Variants in RAB2A observed in about 807,000 individuals in gnomAD.
The protein encoded by RAB2A is ras-related protein Rab-2A.
Under a neutral mutation model 32.5 loss-of-function variants are expected in RAB2A, and 7 were observed. The ratio of observed to expected loss-of-function variants is 0.22; its 90% CI spans 0.12 to 0.40. The LOEUF (loss-of-function observed/expected upper bound fraction) is 0.40. RAB2A is among the 10% of genes least tolerant of loss of function. The probability of loss-of-function intolerance (pLI) is 1.00; values close to 1 mark genes in which losing one functional copy is unlikely to be tolerated. For missense variants in RAB2A, 108 were observed against 260.7 expected (o/e 0.41, Z 4.03); for synonymous variants, 79 against 85.2 (o/e 0.93, Z 0.40).
At chr8:60,585,685 T>A (rs1346577234) in intron 5 of RAB2A, among the ~76,000 whole-genome samples, 1 of 152,142 alleles carries the variant, frequency 6.6e-6, no homozygotes, top group Non-Finnish European at 1.5e-5. Context: ...AAATCATGAC[T>A]TATATGATAA....
At chr8:60,555,961 T>A (rs1807931583) in intron 1 of RAB2A, among the ~76,000 whole-genome samples, 1 of 152,210 alleles carries the variant, frequency 6.6e-6, no homozygotes, top group Admixed American at 6.5e-5. Context: ...TCAACCTAAG[T>A]GTCCAGCAGT....
At chr8:60,615,251 G>T (rs563748788) in intron 6 of RAB2A, among the ~76,000 whole-genome samples, 1 of 152,026 alleles carries the variant, frequency 6.6e-6, no homozygotes, top group South Asian at 2.1e-4. Context: ...TAACAAAGGC[G>T]GTTTAAGTAC....
chr8:60,556,641 TAAAAAAAA>T (rs11393857), intron 1 of RAB2A, among the ~76,000 whole-genome samples: 1 of 106,592 alleles, frequency 9.4e-6, no homozygotes, highest in Admixed American at 1.0e-4. Flanking sequence ...CTCTTTTTAA[TAAAAAAAA>T]AAAAAAAAAA....
intron 2 of RAB2A, among the ~76,000 whole-genome samples, chr8:60,564,580 T>G (rs1267858666): frequency 6.6e-6 from 1 of 152,106 alleles, no homozygotes; most frequent in African/African-American, 2.4e-5. Context: ...AACATCTCCT[T>G]CTCTTAGATG....
chr8:60,575,106 TTTTTGGTTTTGAGACA>T (rs1355744898), intron 3 of RAB2A, among the ~76,000 whole-genome samples: 2 of 149,278 alleles, frequency 1.3e-5, no homozygotes, highest in African/African-American at 2.5e-5. Flanking sequence ...TTTTTTTTTT[TTTTTGGTTTTGAGACA>T]GCGTCTTACT....
At chr8:60,555,626 C>G (rs1365748344) in intron 1 of RAB2A, among the ~76,000 whole-genome samples, 7 of 152,256 alleles carry the variant, frequency 4.6e-5, no homozygotes, top group African/African-American at 1.7e-4. Context: ...CAGTAATCAT[C>G]AGGGAAATGC....
chr8:60,538,815 A>G (rs1415283187), intron 1 of RAB2A, among the ~76,000 whole-genome samples: 1 of 152,214 alleles, frequency 6.6e-6, no homozygotes, highest in Admixed American at 6.5e-5. Context: ...TCTCACTTGA[A>G]GGACAGTGAA....
At chr8:60,536,307 A>G (rs1563461425) in intron 1 of RAB2A, among the ~76,000 whole-genome samples, 2 of 151,982 alleles carry the variant, frequency 1.3e-5, no homozygotes. Context: ...TGTTAATTTA[A>G]TCTGTCAATT....
At chr8:60,580,334 T>C (rs7013249) in intron 3 of RAB2A, among the ~76,000 whole-genome samples, 83,280 of 152,008 alleles carry the variant, frequency 0.55, 26,348 homozygotes, top group African/African-American at 0.88. Flanking sequence ...TGCTTTAATA[T>C]GTCAAGGTAG....
At chr8:60,543,526 T>A (rs529136174) in intron 1 of RAB2A, among the ~76,000 whole-genome samples, 1 of 151,558 alleles carries the variant, frequency 6.6e-6, no homozygotes, top group South Asian at 2.1e-4. Flanking sequence ...GGCCCCACCC[T>A]AAATCCAGGA....
chr8:60,580,405 G>A (rs914195798), intron 3 of RAB2A, among the ~76,000 whole-genome samples: 3 of 151,660 alleles, frequency 2.0e-5, no homozygotes, highest in African/African-American at 4.9e-5. Flanking sequence ...TATAGTTAGA[G>A]AAGCCATAAT....
At position 60,585,282 on chromosome 8, in the gene RAB2A, TTTTTGTTTTGTTTTGTTTTG is replaced by T. The variant is rs112024465; in HGVS notation, c.362+496_362+515del. Reference sequence around the variant, plus strand: ...ATTTTCAAAATGCTAGGCACCATTCTTTTTGTTTTGTTTTGTTTTGTTTTGTTTTGTTTTGTTTTGTTTTG... The same window carrying T: ...ATTTTCAAAATGCTAGGCACCATTCTTTTTGTTTTGTTTTGTTTTGTTTTG... On this transcript the variant is annotated intron_variant, in intron 5 of 7. Coordinates refer to ENST00000262646, the MANE Select transcript of RAB2A (RefSeq NM_002865.3). 2.1e-3 allele frequency among the ~76,000 whole-genome samples: 312 copies of T among 148,648 alleles called. 1 individual carries two copies. Among genetic ancestry groups the T allele is most frequent in the Middle Eastern group, 0.017 (5 of 292 alleles).
intron 2 of RAB2A, among the ~76,000 whole-genome samples, chr8:60,565,676 ATTTTTTTTTTTTT>A (rs71252885): frequency 3.1e-5 from 3 of 97,668 alleles, no homozygotes; most frequent in Non-Finnish European, 4.2e-5. Context: ...TCTGTAGCTG[ATTTTTTTTTTTTT>A]TTTTTTTTTT....
At chr8:60,548,509 G>T (rs1455450655) in intron 1 of RAB2A, among the ~76,000 whole-genome samples, 2 of 42,556 alleles carry the variant, frequency 4.7e-5, no homozygotes, top group South Asian at 1.4e-3. Context: ...CTGGCCGGGC[G>T]GGGGGCTGAC....
intron 1 of RAB2A, among the ~76,000 whole-genome samples, chr8:60,534,743 A>G (rs535903933): frequency 7.0e-4 from 106 of 151,528 alleles, no homozygotes; most frequent in African/African-American, 2.5e-3. Context: ...AACACTAAGG[A>G]ATCTTGGGAC....
At chr8:60,544,434 G>A (rs189430203) in intron 1 of RAB2A, among the ~76,000 whole-genome samples, 1 of 151,948 alleles carries the variant, frequency 6.6e-6, no homozygotes, top group East Asian at 1.9e-4. Context: ...TCATCTTGAA[G>A]AATCCTCAGT....
intron 6 of RAB2A, among the ~76,000 whole-genome samples, chr8:60,599,558 C>G (rs752887178): frequency 1.1e-4 from 16 of 152,054 alleles, no homozygotes; most frequent in Admixed American, 6.6e-4. Flanking sequence ...ATCAGGACTG[C>G]GTGATACTGG....
Position 60,517,007 on chromosome 8 carries a change from C to A in RAB2A, c.-201C>A. The A allele has an allele frequency of 6.2e-6, 3 of 485,134 alleles. No homozygotes were observed. The highest frequency in any genetic ancestry group is 3.5e-5 in the South Asian group (1 of 28,600). The allele number at this position is 485,134 out of a possible 1,614,324, so 30.1% of individuals were successfully genotyped here. On this transcript the variant is annotated 5_prime_UTR_variant, in exon 1 of 8. Transcript: ENST00000262646. ...CTGTTATTGTTCGGCTGGGCTCGGT[C>A]GGGCGCTGTCTCCCTCGGCTCTGCG...
rs914417727 is a variant in RAB2A at position 60,622,005 on chromosome 8, CTTTT to C, written c.*1242_*1245del. ...ATAAAATCCTATGTATAAAAGTGTT[CTTTT>C]TTTTTATTATGACCACCTCTTTTTT... On this transcript the variant is annotated 3_prime_UTR_variant, in exon 8 of 8. Coordinates refer to ENST00000262646, the MANE Select transcript of RAB2A (RefSeq NM_002865.3). 4 of 151,132 alleles carry C rather than the reference CTTTT, an allele frequency of 2.6e-5. No individual in the cohort carries two copies. The highest frequency in any genetic ancestry group is 2.6e-4 in the Admixed American group (4 of 15,148). 9.4% of individuals were successfully genotyped at this position (151,132 alleles called of 1,614,324 possible).
Sources: gnomAD v4.1 joint callset for allele counts (sites outside exome capture counted in the v4.1 genomes callset) on GRCh38, gnomAD v4.1.1 for gene constraint, MANE v1.5 for transcripts, NCBI Gene and HGNC (gene_info 2026-07-23, HGNC 2026-07-21) for gene names.